CDKN2AIP: variants seen among roughly 807,000 people sequenced by gnomAD.
CDKN2AIP encodes CDKN2A-interacting protein.
A neutral mutation model predicts 44.1 loss-of-function variants in CDKN2AIP; 12 were observed. That is an observed-to-expected ratio of 0.27 (90% CI 0.17 to 0.44). The LOEUF (loss-of-function observed/expected upper bound fraction) is 0.44, where lower values mean the gene tolerates loss of function less well. Among genes scored for constraint, CDKN2AIP ranks in the 20% least tolerant of loss-of-function variants. The pLI is 1.00. For synonymous variants in CDKN2AIP, 291 were observed against 272.1 expected, an observed-to-expected ratio of 1.07 and a Z score of -0.68; for missense variants, 705 against 681.6, an observed-to-expected ratio of 1.03 and a Z score of -0.38.
intron 1 of CDKN2AIP, 40 bp from the exon 2 acceptor site, chr4:183,445,494 GA>G: frequency 1.0e-5 from 16 of 1,569,430 alleles, no homozygotes; most frequent in African/African-American, 1.4e-5. Flanking sequence ...TAGGACCTTA[GA>G]AAAAACACTT....
rs1187176203 is a variant in CDKN2AIP, at chr4:183,445,670, G to A, written c.403+5G>A. On this transcript the variant is annotated splice_donor_5th_base_variant and intron_variant, in intron 2 of 2. Transcript: ENST00000504169. ...GAGGGATATCGAGTAGCAATGGTTA[G>A]CAGATCATAGATGTGAACATACATA... is the stretch of plus-strand genomic sequence containing the variant. 1 of 1,606,422 alleles carries A rather than the reference G, an allele frequency of 6.2e-7. No homozygotes were observed. Among genetic ancestry groups the A allele is most frequent in the Non-Finnish European group, 8.5e-7 (1 of 1,172,960 alleles).
Position 183,449,035 on chromosome 4 carries a change from C to G in CDKN2AIP, c.*1608C>G, listed in dbSNP as rs895636180. On this transcript the variant is annotated 3_prime_UTR_variant, in exon 3 of 3. Transcript: ENST00000504169. ...TTATCAGAAAAGCAAAAAATTACAA[C>G]GAACAAATAAATTTATATAATATAT... 1.3e-5 allele frequency among the ~76,000 whole-genome samples: 2 copies of G among 151,948 alleles called. No individual in the cohort carries two copies. Among genetic ancestry groups the G allele is most frequent in the Non-Finnish European group, 2.9e-5 (2 of 67,964 alleles).
In CDKN2AIP at chr4:183,446,425, G is replaced by C. The variant is rs766607169; in HGVS notation, c.741G>C (p.Leu247Phe). 1 of 1,613,792 alleles carries C rather than the reference G, an allele frequency of 6.2e-7. No individual in the cohort carries two copies. Among genetic ancestry groups the C allele is most frequent in the Admixed American group, 1.7e-5 (1 of 60,026 alleles). Reference sequence around the variant, plus strand: ...ACGGTTCTGCATCATTTGTTTCCTTGCTGAAATCCAGTGTGAATAGTCACA... The same window carrying C: ...ACGGTTCTGCATCATTTGTTTCCTTCCTGAAATCCAGTGTGAATAGTCACA... ...DKHGSASFVS[L>F]LKSSVNSHMT... The change falls in exon 3 of 3, where the codon TTG (leucine) becomes TTC (phenylalanine). Residue 247 changes from leucine (L) to phenylalanine (F), a missense_variant. Transcript: ENST00000504169.
At position 183,445,017 on chromosome 4, in the gene CDKN2AIP, C is replaced by G. The variant is rs1463454942; in HGVS notation, c.220C>G (p.Gln74Glu). The change falls in exon 1 of 3, where the codon CAG becomes GAG. Residue 74 changes from glutamine (Q) to glutamate (E), a missense_variant. Around this residue, in one of 2 missense-constraint regions of CDKN2AIP, gnomAD observed 592 missense variants for 518.0 expected, o/e 1.14. Transcript: ENST00000504169. ...ESGTRNRQLQQLISFSMAWAN... is the reference protein window; with the variant it reads ...ESGTRNRQLQELISFSMAWAN... ...CGGGACCCGAAACCGGCAGCTGCAG[C>G]AGCTCATCTCCTTTTCCATGGCCTG... The G allele has an allele frequency of 1.2e-6, 2 of 1,603,458 alleles. No individual in the cohort carries two copies. Among genetic ancestry groups the G allele is most frequent in the Non-Finnish European group, 1.7e-6 (2 of 1,173,664 alleles).
In CDKN2AIP at chr4:183,446,341, C is replaced by G. The variant is rs1426830670; in HGVS notation, c.657C>G (p.Ser219=). The change falls in exon 3 of 3, where the codon TCC becomes TCG. Residue 219 remains serine (S), a synonymous_variant. Coordinates refer to ENST00000504169, the MANE Select transcript of CDKN2AIP (RefSeq NM_017632.4). ...CCAGCCAAAGCAGCAGCAGCGTTTC[C>G]TCTCAGGTAACAACGGCAGGATCTG... ...SVSSQSSSSV[S]SQVTTAGSGK... is the part of the protein sequence containing the mutation. 6.2e-7 allele frequency: 1 copy of G among 1,614,194 alleles called. No homozygotes were observed. Among genetic ancestry groups the G allele is most frequent in the Non-Finnish European group, 8.5e-7 (1 of 1,180,032 alleles).
At position 183,446,501 on chromosome 4, in the gene CDKN2AIP, G is replaced by A; in HGVS notation, c.817G>A (p.Ala273Thr). ...RQQSGSPKKS[A>T]LEGSSASASQ... is the part of the protein sequence containing the mutation. ...ACAAAGTGGATCACCTAAAAAGAGT[G>A]CTTTGGAAGGCTCTTCAGCCTCAGC... The change falls in exon 3 of 3, where the codon GCT becomes ACT. Residue 273 changes from alanine to threonine, a missense_variant. By Grantham distance (58) the Ala-to-Thr change is moderately conservative. Transcript: ENST00000504169. The A allele has an allele frequency of 6.2e-7, 1 of 1,613,760 alleles. No homozygotes were observed. Among genetic ancestry groups the A allele is most frequent in the African/African-American group, 1.3e-5 (1 of 75,028 alleles).
At position 183,446,067 on chromosome 4, in the gene CDKN2AIP, CTA is replaced by C. The variant is rs757817987; in HGVS notation, c.404-19_404-18del. ...GTACGAGGTATTCTTAGTCACATAT[CTA>C]TGTTTTTCTTCTTTTTAGAAGGGGT... On this transcript the variant is annotated intron_variant, in intron 2 of 2. Transcript: ENST00000504169. 3.2e-6 allele frequency: 5 copies of C among 1,562,940 alleles called. No homozygotes were observed. The highest frequency in any genetic ancestry group is 1.7e-4 in the Middle Eastern group (1 of 5,796).
rs779381798 is a variant in CDKN2AIP at position 183,445,562 on chromosome 4, A to G, written c.300A>G (p.Ile100Met). 3 of 1,611,094 alleles carry G rather than the reference A, an allele frequency of 1.9e-6. No homozygotes were observed. The highest frequency in any genetic ancestry group is 2.5e-6 in the Non-Finnish European group (3 of 1,177,330). ...CRYPQKVMDKILSMAEGIKVT... is the reference protein window; with the variant it reads ...CRYPQKVMDKMLSMAEGIKVT... ...ACCCTCAAAAAGTTATGGATAAAAT[A>G]CTTAGTATGGCTGAAGGCATCAAAG... The change falls in exon 2 of 3, where the codon ATA (isoleucine) becomes ATG (methionine). Residue 100 changes from isoleucine (I) to methionine (M), a missense_variant. Physicochemically the swap from Ile to Met is conservative, Grantham distance 10. Around this residue, in one of 2 missense-constraint regions of CDKN2AIP, gnomAD observed 592 missense variants for 518.0 expected, o/e 1.14. Coordinates refer to ENST00000504169, the MANE Select transcript of CDKN2AIP (RefSeq NM_017632.4).
In CDKN2AIP at chr4:183,447,891, C is replaced by T. The variant is rs1395192149; in HGVS notation, c.*464C>T. ...ATGTTGCCCGTAATGTTGAACGTGTCTGTTAAAAAATAAAAGAAAAAATAG... is the reference window on the plus strand; with the variant it reads ...ATGTTGCCCGTAATGTTGAACGTGTTTGTTAAAAAATAAAAGAAAAAATAG... On this transcript the variant is annotated 3_prime_UTR_variant, in exon 3 of 3. Transcript: ENST00000504169. 6.6e-6 allele frequency: 1 copy of T among 152,354 alleles called. No homozygotes were observed. Among genetic ancestry groups the T allele is most frequent in the Non-Finnish European group, 1.5e-5 (1 of 68,066 alleles). 9.4% of individuals were successfully genotyped at this position (152,354 alleles called of 1,614,324 possible).
Position 183,445,037 on chromosome 4 carries a change from G to A in CDKN2AIP, c.240G>A (p.Met80Ile). Residue 80 changes from methionine (M) to isoleucine (I), a missense_variant, in exon 1 of 3, where the codon ATG (methionine) becomes ATA (isoleucine). Physicochemically the swap from Met to Ile is conservative, Grantham distance 10. Coordinates refer to ENST00000504169, the MANE Select transcript of CDKN2AIP (RefSeq NM_017632.4). ...RQLQQLISFSMAWANHVFLGC... is the reference protein window; with the variant it reads ...RQLQQLISFSIAWANHVFLGC... ...TGCAGCAGCTCATCTCCTTTTCCAT[G>A]GCCTGGGCGAACCACGTCTTCCTCG... The A allele has an allele frequency of 6.3e-7, 1 of 1,596,732 alleles. No individual in the cohort carries two copies. Among genetic ancestry groups the A allele is most frequent in the Non-Finnish European group, 8.6e-7 (1 of 1,167,040 alleles).
At chr4:183,445,224 G>A (rs1733641464) in intron 1 of CDKN2AIP, 155 bp downstream of exon 1, 2 of 897,186 alleles carry the variant, frequency 2.2e-6, no homozygotes, top group Non-Finnish European at 3.3e-6. Flanking sequence ...GGGGAGAAGG[G>A]CGTCCCTGCG....
In CDKN2AIP at chr4:183,446,705, G is replaced by C. The variant is rs1437079237; in HGVS notation, c.1021G>C (p.Gly341Arg). 3.7e-6 allele frequency: 6 copies of C among 1,614,072 alleles called. No individual in the cohort carries two copies. Among genetic ancestry groups the C allele is most frequent in the Non-Finnish European group, 5.1e-6 (6 of 1,180,028 alleles). Residue 341 changes from glycine (G) to arginine (R), a missense_variant, in exon 3 of 3, where the codon GGC becomes CGC. Gly to Arg is a moderately radical substitution (Grantham distance 125, BLOSUM62 -2). Around this residue, in one of 2 missense-constraint regions of CDKN2AIP, gnomAD observed 592 missense variants for 518.0 expected, o/e 1.14. Coordinates refer to ENST00000504169, the MANE Select transcript of CDKN2AIP (RefSeq NM_017632.4). ...AGTTGCTAAAAACAGTTCCTCATCA[G>C]GCACATCCTTACTGACTCCCAAGAG... ...SSVAKNSSSS[G>R]TSLLTPKSSS...
intron 1 of CDKN2AIP, 95 bp downstream of exon 1, chr4:183,445,164 G>C: frequency 6.9e-7 from 1 of 1,450,446 alleles, no homozygotes. Flanking sequence ...CCTCGGCGGG[G>C]AGGGGAAGTT....
chr4:183,447,413 CA>C lies in CDKN2AIP; in HGVS notation c.1731del (p.Glu578AsnfsTer17). ...VNLPPALKHPQELL is the reference protein window; with the variant it reads ...VNLPPALKHPXELL ...CTTACCTCCAGCACTAAAACATCCT[CA>C]AGAATTACTATAATGTGTCCAAAAT... On this transcript the variant is annotated frameshift_variant, in exon 3 of 3. Transcript: ENST00000504169. LOFTEE classifies it high-confidence loss of function. 2.6e-6 allele frequency: 4 copies of C among 1,533,544 alleles called. No individual in the cohort carries two copies. The highest frequency in any genetic ancestry group is 3.5e-6 in the Non-Finnish European group (4 of 1,145,834). 95.0% of individuals were successfully genotyped at this position (1,533,544 alleles called of 1,614,324 possible).
rs764230179 is a variant in CDKN2AIP, at chr4:183,447,394, T to A, written c.1710T>A (p.Pro570=). 6.5e-7 allele frequency: 1 copy of A among 1,547,606 alleles called. No individual in the cohort carries two copies. Among genetic ancestry groups the A allele is most frequent in the Admixed American group, 2.2e-5 (1 of 46,172 alleles). The part of the protein sequence containing the change: ...LDEESRPVNL[P]PALKHPQELL ...AAGAATCGAGGCCTGTAAACTTACC[T>A]CCAGCACTAAAACATCCTCAAGAAT... Residue 570 remains proline (P), a synonymous_variant, in exon 3 of 3, where the codon CCT becomes CCA. Coordinates refer to ENST00000504169, the MANE Select transcript of CDKN2AIP (RefSeq NM_017632.4).
rs1560950140 is a variant in CDKN2AIP at position 183,448,308 on chromosome 4, A to G, written c.*881A>G. ...ATTGTGTGATATACATCTTTATTTA[A>G]TTTTTTTTTTTACAGCAATCCCCTG... On this transcript the variant is annotated 3_prime_UTR_variant, in exon 3 of 3. Coordinates refer to ENST00000504169, the MANE Select transcript of CDKN2AIP (RefSeq NM_017632.4). 1.4e-5 allele frequency: 2 copies of G among 147,922 alleles called. No individual in the cohort carries two copies. Among genetic ancestry groups the G allele is most frequent in the Non-Finnish European group, 3.0e-5 (2 of 66,692 alleles). 9.2% of individuals were successfully genotyped at this position (147,922 alleles called of 1,614,324 possible). A position where few individuals can be genotyped will look rare whatever the true frequency, so the allele number is the denominator to read the frequency against.
rs1039633713 is a variant in CDKN2AIP at position 183,446,897 on chromosome 4, A to G, written c.1213A>G (p.Ser405Gly). ...QLASKSSSQT[S>G]TSQLPSKSTS... ...GGCTTCTAAGAGTAGTTCTCAGACT[A>G]GCACCTCACAGTTGCCTTCTAAAAG... The change falls in exon 3 of 3, where the codon AGC becomes GGC. Residue 405 changes from serine (S) to glycine (G), a missense_variant. Physicochemically the swap from Ser to Gly is moderately conservative, Grantham distance 56 (BLOSUM62 0). This residue lies in a region of CDKN2AIP where 592 missense variants were observed against 518.0 expected (regional missense o/e 1.14). Transcript: ENST00000504169. 6.2e-7 allele frequency: 1 copy of G among 1,614,168 alleles called. No homozygotes were observed. Among genetic ancestry groups the G allele is most frequent in the Non-Finnish European group, 8.5e-7 (1 of 1,180,008 alleles).
Position 183,446,147 on chromosome 4 carries a change from G to C in CDKN2AIP, c.463G>C (p.Glu155Gln). The C allele has an allele frequency of 6.2e-7, 1 of 1,613,966 alleles. No individual in the cohort carries two copies. The highest frequency in any genetic ancestry group is 8.5e-7 in the Non-Finnish European group (1 of 1,179,846). Residue 155 changes from glutamate (E) to glutamine (Q), a missense_variant, in exon 3 of 3, where the codon GAG becomes CAG. By Grantham distance (29) the Glu-to-Gln change is conservative. Transcript: ENST00000504169. ...AGAAGGAAAAAACAGTTCTGCAGTT[G>C]AGCAAGATCACGCAAAAACCTCTGC... is the stretch of plus-strand genomic sequence containing the variant. ...VIEGKNSSAV[E>Q]QDHAKTSAKT...
At chr4:183,445,431 TTTC>T in intron 1 of CDKN2AIP, 101 bp from the exon 2 acceptor site, 1 of 944,738 alleles carries the variant, frequency 1.1e-6, no homozygotes, top group South Asian at 1.5e-5. Flanking sequence ...GTTGGTTCAC[TTTC>T]TTGATTGCAG....
Sources: gnomAD v4.1 joint callset for allele counts (sites outside exome capture counted in the v4.1 genomes callset) on GRCh38, gnomAD v4.1.1 for gene constraint, gnomAD v4.1.1 regional missense constraint, MANE v1.5 for transcripts, NCBI Gene and HGNC (gene_info 2026-07-23, HGNC 2026-07-21) for gene names.